TNFSF11: variants seen among roughly 807,000 people sequenced by gnomAD.
TNFSF11 encodes tumor necrosis factor ligand superfamily member 11.
A neutral mutation model predicts 32.2 loss-of-function variants in TNFSF11; 12 were observed. The observed-to-expected ratio is 0.37, with a 90% CI of 0.24 to 0.60. TNFSF11 has a LOEUF of 0.60. Among genes scored for constraint, TNFSF11 ranks in the 20% least tolerant of loss-of-function variants. The probability of loss-of-function intolerance (pLI) is 0.66; values close to 1 mark genes in which losing one functional copy is unlikely to be tolerated. For missense variants in TNFSF11, 345 were observed against 398.0 expected, an observed-to-expected ratio of 0.87 and a Z score of 1.13; for synonymous variants, 172 against 152.1, an observed-to-expected ratio of 1.13 and a Z score of -0.96.
At chr13:42,586,792 G>A (rs1873921638) in intron 2 of TNFSF11, among the ~76,000 whole-genome samples, 1 of 152,182 alleles carries the variant, frequency 6.6e-6, no homozygotes, top group African/African-American at 2.4e-5. Context: ...AGAACAGGAA[G>A]TAAGACCAGG....
chr13:42,604,932 T>C (rs1290862253), intron 4 of TNFSF11, among the ~76,000 whole-genome samples: 2 of 152,066 alleles, frequency 1.3e-5, no homozygotes, highest in African/African-American at 2.4e-5. Flanking sequence ...TACGGGCGCC[T>C]GCCACCGCGC....
Position 42,602,774 on chromosome 13 carries a change from G to A in TNFSF11, c.532+1793G>A, listed in dbSNP as rs368776096. Among the ~76,000 whole-genome samples, 11 of 152,322 alleles carry A rather than the reference G, an allele frequency of 7.2e-5. No individual in the cohort carries two copies. In the East Asian group the frequency reaches 1.5e-3, roughly 21 times the overall value. On this transcript the variant is annotated intron_variant, in intron 4 of 4. Coordinates refer to ENST00000398795, the MANE Select transcript of TNFSF11 (RefSeq NM_003701.4). ...TCAAATTAATACTAATGCATCAGCT[G>A]TGTGTGCTATTAATGTTCCCTACAT...
Position 42,607,977 on chromosome 13 carries a change from T to A in TNFSF11, c.*1059T>A, listed in dbSNP as rs1424990698. 1 of 152,788 alleles carries A rather than the reference T, an allele frequency of 6.5e-6. No homozygotes were observed. The highest frequency in any genetic ancestry group is 2.4e-5 in the African/African-American group (1 of 41,472). The allele number at this position is 152,788 out of a possible 1,614,324, so 9.5% of individuals were successfully genotyped here. A position where few individuals can be genotyped will look rare whatever the true frequency, so the allele number is the denominator to read the frequency against. On this transcript the variant is annotated 3_prime_UTR_variant, in exon 5 of 5. Coordinates refer to ENST00000398795, the MANE Select transcript of TNFSF11 (RefSeq NM_003701.4). ...TAAAAACATTGCCTTTGAATGTTAATTTTTTGGTACAAAAATAAATTTATA... is the reference window on the plus strand; with the variant it reads ...TAAAAACATTGCCTTTGAATGTTAAATTTTTGGTACAAAAATAAATTTATA...
chr13:42,599,360 C>G (rs879449849), intron 2 of TNFSF11, among the ~76,000 whole-genome samples: 5 of 150,938 alleles, frequency 3.3e-5, no homozygotes, highest in Admixed American at 3.3e-4. Context: ...ATCTATCTAT[C>G]TATCTATCTA....
At chr13:42,585,662 G>A (rs1006310074) in intron 2 of TNFSF11, among the ~76,000 whole-genome samples, 1 of 152,186 alleles carries the variant, frequency 6.6e-6, no homozygotes, top group Non-Finnish European at 1.5e-5. Flanking sequence ...GCCAGCCGGG[G>A]GGTGAGGAAG....
At chr13:42,598,631 A>C (rs1433029922) in intron 2 of TNFSF11, among the ~76,000 whole-genome samples, 1 of 152,170 alleles carries the variant, frequency 6.6e-6, no homozygotes, top group Non-Finnish European at 1.5e-5. Flanking sequence ...AATGCCCAAA[A>C]GCCAACTAAA....
intron 4 of TNFSF11, 89 bp from the exon 5 acceptor site, chr13:42,606,408 T>C: frequency 6.7e-7 from 1 of 1,495,968 alleles, no homozygotes; most frequent in African/African-American, 1.4e-5. Context: ...ACTGCTATAC[T>C]ATTTTTTCTC....
At chr13:42,605,953 T>G (rs1453488398) in intron 4 of TNFSF11, among the ~76,000 whole-genome samples, 1 of 152,112 alleles carries the variant, frequency 6.6e-6, no homozygotes, top group East Asian at 1.9e-4. Context: ...GGTTGAGACT[T>G]GTGACATGTG....
In TNFSF11 at chr13:42,607,574, AG is replaced by A. The variant is rs1389952024; in HGVS notation, c.*660del. ...CCCTGGGGAAAACTTGCAGCTAAGG[AG>A]GGGAAAAAAATGTTGTTTCCTAATA... On this transcript the variant is annotated 3_prime_UTR_variant, in exon 5 of 5. Transcript: ENST00000398795. The A allele has an allele frequency of 6.5e-6, 1 of 152,796 alleles. No individual in the cohort carries two copies. Among genetic ancestry groups the A allele is most frequent in the East Asian group, 1.9e-4 (1 of 5,344 alleles). 9.5% of individuals were successfully genotyped at this position (152,796 alleles called of 1,614,324 possible). A position where few individuals can be genotyped will look rare whatever the true frequency, so the allele number is the denominator to read the frequency against.
At chr13:42,582,121 G>A (rs1172704669) in intron 2 of TNFSF11, among the ~76,000 whole-genome samples, 2 of 152,062 alleles carry the variant, frequency 1.3e-5, no homozygotes, top group African/African-American at 2.4e-5. Context: ...CAACTCCCTG[G>A]GTCTCTGGTC....
chr13:42,579,693 A>G (rs887833884), intron 1 of TNFSF11, among the ~76,000 whole-genome samples: 4 of 137,430 alleles, frequency 2.9e-5, no homozygotes, highest in African/African-American at 8.3e-5. Context: ...ACACACCGGC[A>G]TAAGTAAGCC....
At chr13:42,569,741 G>A (rs1872995659), upstream of TNFSF11, among the ~76,000 whole-genome samples, 1 of 152,034 alleles carries the variant, frequency 6.6e-6, no homozygotes, top group South Asian at 2.1e-4. Flanking sequence ...AAAGTGAAAC[G>A]TCTGTCATAA....
chr13:42,569,146 A>G (rs1872967608), intron 2 of TNFSF11, among the ~76,000 whole-genome samples: 4 of 152,294 alleles, frequency 2.6e-5, no homozygotes, highest in Admixed American at 2.6e-4. Flanking sequence ...GTTACCTCAC[A>G]TGGCAAAACT....
chr13:42,569,673 T>C (rs1043694048), upstream of TNFSF11, among the ~76,000 whole-genome samples: 1 of 152,124 alleles, frequency 6.6e-6, no homozygotes, highest in African/African-American at 2.4e-5. Flanking sequence ...GGTTTGGAGA[T>C]GAAGGAACCA....
chr13:42,569,709 T>C (rs993392130), upstream of TNFSF11, among the ~76,000 whole-genome samples: 3 of 152,158 alleles, frequency 2.0e-5, no homozygotes, highest in African/African-American at 7.2e-5. Flanking sequence ...TTCTAGAAGA[T>C]GGATCCTCTC....
chr13:42,574,403 C>A lies in TNFSF11; in HGVS notation c.100C>A (p.Pro34Thr). 1.3e-6 allele frequency: 2 copies of A among 1,559,506 alleles called. No individual in the cohort carries two copies. The change falls in exon 1 of 5, where the codon CCG becomes ACG. Residue 34 changes from proline to threonine, a missense_variant. Pro to Thr is a conservative substitution (Grantham distance 38). Around this residue, in one of 2 missense-constraint regions of TNFSF11, gnomAD observed 197 missense variants for 182.0 expected, o/e 1.08. Transcript: ENST00000398795. ...GCACGAGGGCCCCCTGCACGCCCCG[C>A]CGCCGCCTGCGCCGCACCAGCCCCC... ...APHEGPLHAP[P>T]PPAPHQPPAA...
chr13:42,581,468 G>A (rs922815448), intron 2 of TNFSF11, among the ~76,000 whole-genome samples, 175 bp downstream of exon 2: 10 of 152,194 alleles, frequency 6.6e-5, no homozygotes, highest in African/African-American at 2.4e-4. Context: ...GGTAGTGATT[G>A]ATTATGGCAA....
intron 2 of TNFSF11, among the ~76,000 whole-genome samples, chr13:42,594,524 G>A (rs2200287): frequency 0.35 from 53,881 of 152,076 alleles, 9,812 homozygotes; most frequent in Middle Eastern, 0.54. Context: ...ACAAAGAGGG[G>A]CGTATCCTTT....
chr13:42,602,524 CT>C (rs530549823), intron 4 of TNFSF11, among the ~76,000 whole-genome samples: 226 of 152,278 alleles, frequency 1.5e-3, no homozygotes, highest in Non-Finnish European at 2.5e-3. Flanking sequence ...GAAACCAATT[CT>C]TTGGCTTTTA....
Sources: gnomAD v4.1 joint callset for allele counts (sites outside exome capture counted in the v4.1 genomes callset) on GRCh38, gnomAD v4.1.1 for gene constraint, gnomAD v4.1.1 regional missense constraint, MANE v1.5 for transcripts, NCBI Gene and HGNC (gene_info 2026-07-23, HGNC 2026-07-21) for gene names.